Variants in MGAT4D observed in about 807,000 individuals in gnomAD.
The protein encoded by MGAT4D is MGAT4 family member D, also known as alpha-1,3-mannosyl-glycoprotein 4-beta-N-acetylglucosaminyltransferase-like protein MGAT4D.
In MGAT4D, 34 loss-of-function variants were observed where a neutral mutation model predicts 15.9. The observed-to-expected ratio is 2.14, with a 90% CI of 1.62 to 2.84. The LOEUF is 2.84. MGAT4D is among the 30% of genes most tolerant of loss of function. The pLI is 0.00. For synonymous variants in MGAT4D, 112 were observed against 48.2 expected, an observed-to-expected ratio of 2.33 and a Z score of -5.49; for missense variants, 327 against 140.2, an observed-to-expected ratio of 2.33 and a Z score of -6.73.
intron 1 of MGAT4D, among the ~76,000 whole-genome samples, chr4:140,485,150 C>A (rs887349807): frequency 7.9e-5 from 12 of 152,226 alleles, no homozygotes; most frequent in African/African-American, 2.9e-4. Flanking sequence ...TGGAACCAAC[C>A]CAAATGTCCA....
chr4:140,447,165 T>C (rs191567718), intron 10 of MGAT4D, among the ~76,000 whole-genome samples: 1 of 152,286 alleles, frequency 6.6e-6, no homozygotes, highest in Admixed American at 6.5e-5. Context: ...CATGTGGTTA[T>C]GAGAAGAATG....
chr4:140,456,243 T>G (rs1253923082), intron 9 of MGAT4D, among the ~76,000 whole-genome samples: 5 of 152,234 alleles, frequency 3.3e-5, no homozygotes, highest in Non-Finnish European at 7.3e-5. Context: ...AACTGAGTAT[T>G]GACTTCAGTA....
chr4:140,449,549 G>A (rs2126673305), intron 10 of MGAT4D, among the ~76,000 whole-genome samples: 1 of 152,218 alleles, frequency 6.6e-6, no homozygotes, highest in East Asian at 1.9e-4. Flanking sequence ...CACAAGGTCA[G>A]GAGATCAAGA....
intron 8 of MGAT4D, 27 bp from the exon 9 acceptor site, chr4:140,456,746 A>T: frequency 1.6e-6 from 1 of 633,938 alleles, no homozygotes; most frequent in Non-Finnish European, 2.8e-6. Context: ...AATTAGATGC[A>T]AATAATTCAT....
chr4:140,463,053 C>T (rs67295333), intron 6 of MGAT4D, among the ~76,000 whole-genome samples: 18,465 of 152,098 alleles, frequency 0.12, 1,206 homozygotes, highest in Admixed American at 0.2. Context: ...ACACACATCC[C>T]CACTGAGGAA....
Position 140,459,569 on chromosome 4 carries a change from C to T in MGAT4D, c.820G>A (p.Gly274Ser). The T allele has an allele frequency of 1.9e-6, 1 of 527,476 alleles. No homozygotes were observed. Among genetic ancestry groups the T allele is most frequent in the South Asian group, 2.7e-5 (1 of 36,936 alleles). 32.7% of individuals were successfully genotyped at this position (527,476 alleles called of 1,614,324 possible). The change falls in exon 8 of 11, where the codon GGT becomes AGT. Residue 274 changes from glycine (G) to serine (S), a missense_variant. Coordinates refer to ENST00000511113, the MANE Select transcript of MGAT4D (RefSeq NM_001277353.2). ...MYFTKITDFV[G>S]NISSNNWFFI... ...AACCAATTATTTGAACTGATATTAC[C>T]TACAAAATCTGTTATTTTTGTAAAG...
At chr4:140,498,048 C>T in intron 1 of MGAT4D, 81 bp downstream of exon 1, 2 of 637,250 alleles carry the variant, frequency 3.1e-6, no homozygotes, top group Non-Finnish European at 5.7e-6. Context: ...TCCGCACCCG[C>T]CGACCCTGCC....
intron 5 of MGAT4D, among the ~76,000 whole-genome samples, chr4:140,465,276 T>C (rs1256025046): frequency 1.3e-5 from 2 of 152,206 alleles, no homozygotes; most frequent in Non-Finnish European, 2.9e-5. Flanking sequence ...TATAGCCAGA[T>C]GTGTACTCTG....
intron 10 of MGAT4D, chr4:140,449,854 G>T (rs1730363869): frequency 5.6e-6 from 1 of 179,670 alleles, no homozygotes; most frequent in African/African-American, 2.3e-5. Flanking sequence ...TTAAAGAAAT[G>T]AATATTAAGG....
chr4:140,472,017 A>G (rs182274372), intron 4 of MGAT4D, among the ~76,000 whole-genome samples, 196 bp from the exon 5 acceptor site: 291 of 152,198 alleles, frequency 1.9e-3, no homozygotes, highest in Middle Eastern at 0.01. Context: ...TACAGGAAAT[A>G]TTTCATTCTT....
intron 8 of MGAT4D, chr4:140,458,343 C>T (rs902162636): frequency 3.3e-5 from 5 of 152,146 alleles, no homozygotes; most frequent in African/African-American, 1.2e-4. Context: ...GACAGCAAAA[C>T]GTGTGGTTGC....
At chr4:140,463,079 C>T (rs967938868) in intron 6 of MGAT4D, among the ~76,000 whole-genome samples, 2 of 152,098 alleles carry the variant, frequency 1.3e-5, no homozygotes, top group African/African-American at 4.8e-5. Context: ...AAATCCAGAA[C>T]ACGAGAGAAG....
chr4:140,494,826 T>C (rs1177472607), intron 1 of MGAT4D, among the ~76,000 whole-genome samples: 1 of 152,160 alleles, frequency 6.6e-6, no homozygotes, highest in Non-Finnish European at 1.5e-5. Flanking sequence ...TGGATGCTGC[T>C]AAACATTCTA....
chr4:140,461,880 TACACACACACAC>T lies in MGAT4D; in HGVS notation c.762+37_762+48del, dbSNP rs10644682. The T allele has an allele frequency of 9.6e-3, 5,155 of 535,360 alleles. 21 individuals carry two copies. The highest frequency in any genetic ancestry group is 0.011 in the Non-Finnish European group (3,379 of 297,148). The allele number at this position is 535,360 out of a possible 1,614,324, so 33.2% of individuals were successfully genotyped here. A position where few individuals can be genotyped will look rare whatever the true frequency, so the allele number is the denominator to read the frequency against. On this transcript the variant is annotated intron_variant, in intron 7 of 10. Transcript: ENST00000511113. ...TCTATCTACAGATATAATTGGTGTA[TACACACACACAC>T]ACACACACACACACACACACACACA...
At chr4:140,494,789 C>T (rs1733729420) in intron 1 of MGAT4D, among the ~76,000 whole-genome samples, 1 of 152,094 alleles carries the variant, frequency 6.6e-6, no homozygotes, top group African/African-American at 2.4e-5. Context: ...GGGGGTGTTG[C>T]TCCTGGCATA....
chr4:140,471,227 T>TTCCCTTCC (rs1225560660), intron 5 of MGAT4D, among the ~76,000 whole-genome samples: 1 of 133,686 alleles, frequency 7.5e-6, no homozygotes, highest in African/African-American at 2.8e-5. Context: ...CTCCTTTTTG[T>TTCCCTTCC]TTCCTTCCTT....
chr4:140,444,523 C>T (rs913104570), intron 10 of MGAT4D, among the ~76,000 whole-genome samples: 1 of 152,194 alleles, frequency 6.6e-6, no homozygotes, highest in African/African-American at 2.4e-5. Flanking sequence ...CCTCCAGCTG[C>T]ATCCATGTGC....
chr4:140,482,798 G>T (rs181972212), intron 1 of MGAT4D, among the ~76,000 whole-genome samples: 12 of 151,896 alleles, frequency 7.9e-5, no homozygotes, highest in Non-Finnish European at 2.9e-5. Flanking sequence ...ATTTTCCATG[G>T]TGTGCGTGTA....
intron 10 of MGAT4D, among the ~76,000 whole-genome samples, chr4:140,448,676 C>T (rs1348621374): frequency 6.6e-6 from 1 of 152,128 alleles, no homozygotes; most frequent in Non-Finnish European, 1.5e-5. Context: ...TCATTTCTAT[C>T]CATATCCTGA....
Sources: allele counts gnomAD v4.1 joint callset (sites outside exome capture counted in the v4.1 genomes callset), GRCh38; gene constraint gnomAD v4.1.1; transcripts MANE v1.5; gene names NCBI Gene and HGNC (gene_info 2026-07-23, HGNC 2026-07-21).